Variants in SLC30A5 observed in about 807,000 individuals in gnomAD.
SLC30A5 encodes the protein proton-coupled zinc antiporter SLC30A5.
In SLC30A5, 33 loss-of-function variants were observed where a neutral mutation model predicts 79.6. The observed-to-expected ratio is 0.41, with a 90% CI of 0.31 to 0.55. SLC30A5 has a LOEUF of 0.55. SLC30A5 is among the 20% of genes least tolerant of loss of function. The pLI is 0.20. For synonymous variants in SLC30A5, 299 were observed against 319.7 expected (o/e 0.94, Z 0.69); for missense variants, 788 against 928.1 (o/e 0.85, Z 1.96).
At position 69,115,878 on chromosome 5, in the gene SLC30A5, G is replaced by C. The variant is rs754185841; in HGVS notation, c.784-48G>C. 1.6e-5 allele frequency: 23 copies of C among 1,437,722 alleles called. 1 individual carries two copies. The South Asian group carries it at 3.0e-4, about 19-fold the overall frequency. 89.1% of individuals were successfully genotyped at this position (1,437,722 alleles called of 1,614,324 possible). A position where few individuals can be genotyped will look rare whatever the true frequency, so the allele number is the denominator to read the frequency against. On this transcript the variant is annotated intron_variant, in intron 8 of 15. Coordinates refer to ENST00000396591, the MANE Select transcript of SLC30A5 (RefSeq NM_022902.5). ...TTAACAGAAACATCTTGTAAGATGT[G>C]AACTTTATACATGTATAGTCTTGAC... is the stretch of plus-strand genomic sequence containing the variant.
At chr5:69,123,625 A>G (rs1016987105) in intron 14 of SLC30A5, 200 bp downstream of exon 14, 27 of 514,944 alleles carry the variant, frequency 5.2e-5, no homozygotes, top group Non-Finnish European at 9.0e-5. Context: ...AGTTTTACTT[A>G]AAGGATATAA....
chr5:69,115,145 A>G, intron 7 of SLC30A5, 92 bp from the exon 8 acceptor site: 1 of 206,556 alleles, frequency 4.8e-6, no homozygotes, highest in Non-Finnish European at 7.7e-6. Context: ...GAAAAAAAAA[A>G]AAAAAAAAAA....
At chr5:69,095,533 C>A (rs1745703882) in intron 1 of SLC30A5, among the ~76,000 whole-genome samples, 1 of 152,026 alleles carries the variant, frequency 6.6e-6, no homozygotes, top group Non-Finnish European at 1.5e-5. Flanking sequence ...GGGAAGAACA[C>A]CACATAGGAC....
At chr5:69,113,764 C>T (rs1458689680) in intron 6 of SLC30A5, among the ~76,000 whole-genome samples, 1 of 152,088 alleles carries the variant, frequency 6.6e-6, no homozygotes, top group African/African-American at 2.4e-5. Flanking sequence ...ATTCATACAT[C>T]CTTACCCACT....
At position 69,102,972 on chromosome 5, in the gene SLC30A5, T is replaced by C. The variant is rs573047447; in HGVS notation, c.207-90T>C. The C allele has an allele frequency of 3.4e-4, 206 of 598,334 alleles. No individual in the cohort carries two copies. The African/African-American group carries it at 3.6e-3, about 10-fold the overall frequency. The allele number at this position is 598,334 out of a possible 1,614,324, so 37.1% of individuals were successfully genotyped here. A position where few individuals can be genotyped will look rare whatever the true frequency, so the allele number is the denominator to read the frequency against. ...GAGGATAACACTTCAAGTTCTGGCA[T>C]ATTTGTTTAAAATAAGTGTCTTTAC... On this transcript the variant is annotated intron_variant, in intron 2 of 15. Coordinates refer to ENST00000396591, the MANE Select transcript of SLC30A5 (RefSeq NM_022902.5).
rs1746382106 is a variant in SLC30A5, at chr5:69,116,670, T to C, written c.1281+68T>C. The C allele has an allele frequency of 1.8e-6, 2 of 1,100,910 alleles. No homozygotes were observed. The highest frequency in any genetic ancestry group is 2.5e-6 in the Non-Finnish European group (2 of 807,050). 68.2% of individuals were successfully genotyped at this position (1,100,910 alleles called of 1,614,324 possible). On this transcript the variant is annotated intron_variant, in intron 10 of 15. Transcript: ENST00000396591. This position sits in a 1 kb window ranked among gnomAD's most constrained non-coding sequence, Gnocchi z 4.0. ...TATTTTAATTTTGACAGTTCTGGTATAAGTTTAGTACTTCCCAAATTTCTG... is the reference window on the plus strand; with the variant it reads ...TATTTTAATTTTGACAGTTCTGGTACAAGTTTAGTACTTCCCAAATTTCTG...
rs543828231 is a variant in SLC30A5 at position 69,119,656 on chromosome 5, A to AT, written c.1569+1034dup. Among the ~76,000 whole-genome samples, 335 of 152,230 alleles carry AT rather than the reference A, an allele frequency of 2.2e-3. 2 individuals are homozygous for AT. The highest frequency in any genetic ancestry group is 7.8e-3 in the African/African-American group (324 of 41,550). ...AGTTTGGAAAAATAGACTTTTTTGG[A>AT]TTTTTTAGTGCCTGTATCCTTTGAT... On this transcript the variant is annotated intron_variant, in intron 12 of 15. Transcript: ENST00000396591.
chr5:69,115,162 A>AG, intron 7 of SLC30A5, 75 bp from the exon 8 acceptor site: 1 of 799,438 alleles, frequency 1.3e-6, no homozygotes, highest in Non-Finnish European at 1.8e-6. Flanking sequence ...AAAAAAAAAA[A>AG]AAAGATCATG....
intron 14 of SLC30A5, among the ~76,000 whole-genome samples, chr5:69,124,758 TG>T (rs1360979551): frequency 6.6e-6 from 1 of 152,080 alleles, no homozygotes; most frequent in Non-Finnish European, 1.5e-5. Flanking sequence ...TTAGTAGAGA[TG>T]GGGTTTCGCC....
In SLC30A5 at chr5:69,121,727, A is replaced by G. The variant is rs1428226693; in HGVS notation, c.1603A>G (p.Ile535Val). 6.2e-7 allele frequency: 1 copy of G among 1,613,364 alleles called. No individual in the cohort carries two copies. Among genetic ancestry groups the G allele is most frequent in the African/African-American group, 1.3e-5 (1 of 74,788 alleles). The part of the protein sequence containing the change: ...VSVGGLIVNL[I>V]GICAFSHAHS... ...AGTTGGAGGGCTGATAGTAAACCTT[A>G]TTGGTATCTGTGCCTTTAGCCATGC... Residue 535 changes from isoleucine to valine, a missense_variant, in exon 13 of 16, where the codon ATT (isoleucine) becomes GTT (valine). This residue lies in a region of SLC30A5 where 626 missense variants were observed against 755.5 expected (regional missense o/e 0.83). Coordinates refer to ENST00000396591, the MANE Select transcript of SLC30A5 (RefSeq NM_022902.5).
Position 69,103,083 on chromosome 5 carries a change from G to T in SLC30A5, c.228G>T (p.Leu76Phe). The change falls in exon 3 of 16, where the codon TTG becomes TTT. Residue 76 changes from leucine (L) to phenylalanine (F), a missense_variant. By Grantham distance (22) the Leu-to-Phe change is conservative (BLOSUM62 0). This residue lies in a region of SLC30A5 where 626 missense variants were observed against 755.5 expected (regional missense o/e 0.83). Transcript: ENST00000396591. ...LKLGTAFFMV[L>F]FQKPFSSGKT... ...ACAGGACTGCATTTTTTATGGTTTT[G>T]TTTCAAAAGCCATTTTCTTCTGGGA... is the stretch of plus-strand genomic sequence containing the variant. 1 of 1,580,464 alleles carries T rather than the reference G, an allele frequency of 6.3e-7. No individual in the cohort carries two copies. The highest frequency in any genetic ancestry group is 8.7e-7 in the Non-Finnish European group (1 of 1,153,882).
chr5:69,125,577 T>A (rs1746657539), intron 14 of SLC30A5, among the ~76,000 whole-genome samples: 2 of 150,862 alleles, frequency 1.3e-5, no homozygotes, highest in Non-Finnish European at 2.9e-5. Flanking sequence ...GGCTCAGGCC[T>A]GTAATCCCAG....
intron 1 of SLC30A5, among the ~76,000 whole-genome samples, chr5:69,097,319 G>A (rs1745773865): frequency 6.6e-6 from 1 of 152,080 alleles, no homozygotes; most frequent in Non-Finnish European, 1.5e-5. Context: ...GTTTCACCGT[G>A]TTAGCCAGGA....
Position 69,108,344 on chromosome 5 carries a change from T to C in SLC30A5, c.360-5T>C, listed in dbSNP as rs769662920. The stretch of plus-strand genomic sequence containing the variant: ...TTCATAAATGATAATGTTTTATTTT[T>C]GTAGGACTTTGCTGCTATTTGAGCA... On this transcript the variant is annotated splice_polypyrimidine_tract_variant and splice_region_variant and intron_variant, in intron 4 of 15. Coordinates refer to ENST00000396591, the MANE Select transcript of SLC30A5 (RefSeq NM_022902.5). 2 of 1,604,902 alleles carry C rather than the reference T, an allele frequency of 1.2e-6. No individual in the cohort carries two copies. The highest frequency in any genetic ancestry group is 2.2e-5 in the South Asian group (2 of 90,820).
intron 14 of SLC30A5, among the ~76,000 whole-genome samples, chr5:69,125,053 T>C (rs1746638225): frequency 6.6e-6 from 1 of 152,108 alleles, no homozygotes; most frequent in Admixed American, 6.6e-5. Context: ...GCAGCACATA[T>C]AAACAGGCAA....
chr5:69,104,141 TTTC>T, intron 3 of SLC30A5: 27 of 1,348,750 alleles, frequency 2.0e-5, no homozygotes, highest in South Asian at 4.7e-5. Flanking sequence ...CCTTTTTTTT[TTTC>T]TTTCTTTTTT....
At chr5:69,112,460 A>C (rs1746260464) in intron 5 of SLC30A5, among the ~76,000 whole-genome samples, 1 of 151,980 alleles carries the variant, frequency 6.6e-6, no homozygotes, top group South Asian at 2.1e-4. Flanking sequence ...ACAAATAAAA[A>C]ATTAACCAGG....
intron 12 of SLC30A5, among the ~76,000 whole-genome samples, chr5:69,121,374 C>A (rs1280695669): frequency 6.6e-6 from 1 of 152,110 alleles, no homozygotes; most frequent in East Asian, 1.9e-4. Context: ...CTTTCAAACT[C>A]TTCAATAAAC....
chr5:69,123,654 G>A (rs576212102), intron 14 of SLC30A5: 10 of 411,348 alleles, frequency 2.4e-5, no homozygotes, highest in African/African-American at 1.8e-4. Flanking sequence ...CCGAATAGAT[G>A]GATGAGATTT....
Sources: allele counts gnomAD v4.1 joint callset (sites outside exome capture counted in the v4.1 genomes callset), GRCh38; gene constraint gnomAD v4.1.1; regional missense constraint gnomAD v4.1.1; non-coding constraint Gnocchi (gnomAD v3.1); transcripts MANE v1.5; gene names NCBI Gene and HGNC (gene_info 2026-07-23, HGNC 2026-07-21).